Variants in MMP3 observed in about 807,000 individuals in gnomAD.
MMP3 encodes stromelysin-1.
MMP3 carries 46 observed loss-of-function variants against 47.3 expected under a neutral mutation model. The ratio of observed to expected loss-of-function variants is 0.97; its 90% CI spans 0.77 to 1.24. The LOEUF is 1.24. Ranked by LOEUF, MMP3 falls within the 50% of genes most tolerant of loss-of-function variation. The pLI is 0.00. For missense variants in MMP3, 558 were observed against 565.5 expected (o/e 0.99, Z 0.13); for synonymous variants, 216 against 206.5 (o/e 1.05, Z -0.39).
At chr11:102,839,688 C>A (rs1276043972) in intron 6 of MMP3, among the ~76,000 whole-genome samples, 1 of 152,124 alleles carries the variant, frequency 6.6e-6, no homozygotes, top group African/African-American at 2.4e-5. Flanking sequence ...GAACTGGGAA[C>A]TAAAATTTTT....
intron 4 of MMP3, among the ~76,000 whole-genome samples, chr11:102,841,146 C>T (rs548120391): frequency 6.6e-6 from 1 of 152,202 alleles, no homozygotes; most frequent in East Asian, 1.9e-4. Flanking sequence ...ACACAGTATG[C>T]CCAATCATGT....
At position 102,837,216 on chromosome 11, in the gene MMP3, A is replaced by G. The variant is rs1324912065; in HGVS notation, c.1333+82T>C. ...TGGCCCTAAGAAACACTTGTTATTA[A>G]AAAGTTTCAATGCTCCTCTTCCCTC... On this transcript the variant is annotated intron_variant, in intron 9 of 9. Transcript: ENST00000299855. This position sits in a 1 kb window ranked among gnomAD's most constrained non-coding sequence, Gnocchi z 4.4. The G allele has an allele frequency of 8.1e-6, 9 of 1,108,772 alleles. No individual in the cohort carries two copies. The highest frequency in any genetic ancestry group is 7.8e-5 in the African/African-American group (5 of 64,148). 68.7% of individuals were successfully genotyped at this position (1,108,772 alleles called of 1,614,324 possible). A position where few individuals can be genotyped will look rare whatever the true frequency, so the allele number is the denominator to read the frequency against.
Position 102,837,446 on chromosome 11 carries a change from G to A in MMP3, c.1230-45C>T. On this transcript the variant is annotated intron_variant, in intron 8 of 9. Coordinates refer to ENST00000299855, the MANE Select transcript of MMP3 (RefSeq NM_002422.5). The surrounding 1 kb of genome is among the most constrained non-coding windows in gnomAD (Gnocchi z 4.4). ...CAGCTCAGCATTGCATAGAGGCCAT[G>A]TTACCGAACATCTTAGATCATGTTA... The A allele has an allele frequency of 7.3e-7, 1 of 1,365,326 alleles. No homozygotes were observed. Among genetic ancestry groups the A allele is most frequent in the Non-Finnish European group, 1.0e-6 (1 of 962,252 alleles). 84.6% of individuals were successfully genotyped at this position (1,365,326 alleles called of 1,614,324 possible). A position where few individuals can be genotyped will look rare whatever the true frequency, so the allele number is the denominator to read the frequency against.
Position 102,842,490 on chromosome 11 carries a change from A to G in MMP3, c.440T>C (p.Leu147Pro), listed in dbSNP as rs1555005691. 1 of 1,571,052 alleles carries G rather than the reference A, an allele frequency of 6.4e-7. No homozygotes were observed. The highest frequency in any genetic ancestry group is 1.5e-5 in the African/African-American group (1 of 68,276). Residue 147 changes from leucine (L) to proline (P), a missense_variant, in exon 3 of 10, where the codon CTC becomes CCC. Coordinates refer to ENST00000299855, the MANE Select transcript of MMP3 (RefSeq NM_002422.5). ...ALKVWEEVTP[L>P]TFSRLYEGEA... ...TCCTTCATACAGCCTGGAGAATGTG[A>G]GTGGAGTCACCTCTTCCCAGACTTT...
chr11:102,842,078 G>A, intron 4 of MMP3, 76 bp downstream of exon 4: 1 of 1,356,902 alleles, frequency 7.4e-7, no homozygotes, highest in Non-Finnish European at 9.7e-7. Flanking sequence ...CATTTCTTGA[G>A]CATTCTTGGT....
chr11:102,836,890 C>A lies in MMP3; in HGVS notation c.1333+408G>T. On this transcript the variant is annotated intron_variant, in intron 9 of 9. Coordinates refer to ENST00000299855, the MANE Select transcript of MMP3 (RefSeq NM_002422.5). The surrounding 1 kb of genome is among the most constrained non-coding windows in gnomAD (Gnocchi z 4.6). ...AACTCAGGAAAGACAGACAAAAAAT[C>A]TCCCTGGGAATTAGTAGCAGCAATA... 1 of 209,558 alleles carries A rather than the reference C, an allele frequency of 4.8e-6. No homozygotes were observed. The highest frequency in any genetic ancestry group is 5.4e-5 in the Admixed American group (1 of 18,468). 13.0% of individuals were successfully genotyped at this position (209,558 alleles called of 1,614,324 possible). A position where few individuals can be genotyped will look rare whatever the true frequency, so the allele number is the denominator to read the frequency against.
At chr11:102,842,383 T>G (rs782458852) in intron 3 of MMP3, 48 bp downstream of exon 3, 6 of 1,419,084 alleles carry the variant, frequency 4.2e-6, no homozygotes, top group African/African-American at 1.5e-5. Context: ...TTTCATGTGT[T>G]TTTTGTTTTG....
At chr11:102,838,758 G>C (rs782293510) in intron 7 of MMP3, 48 bp from the exon 8 acceptor site, 1 of 1,555,058 alleles carries the variant, frequency 6.4e-7, no homozygotes, top group Admixed American at 1.9e-5. Flanking sequence ...TAACAGTTAA[G>C]CCCTTTCGCT....
intron 8 of MMP3, among the ~76,000 whole-genome samples, chr11:102,838,325 G>A (rs1021723894): frequency 6.6e-6 from 1 of 152,090 alleles, no homozygotes; most frequent in Non-Finnish European, 1.5e-5. Flanking sequence ...CAGGCAGGTG[G>A]GGTGACAGCA....
rs888625984 is a variant in MMP3 at position 102,835,895 on chromosome 11, G to A, written c.*231C>T. On this transcript the variant is annotated 3_prime_UTR_variant, in exon 10 of 10. Transcript: ENST00000299855. ...GCACACGAGTGCTTCCCCTTCTCTT[G>A]GGAAAGATCACTCTATGTGACAAGG... 7 of 456,868 alleles carry A rather than the reference G, an allele frequency of 1.5e-5. No individual in the cohort carries two copies. Among genetic ancestry groups the A allele is most frequent in the African/African-American group, 3.9e-5 (2 of 51,640 alleles). The allele number at this position is 456,868 out of a possible 1,614,324, so 28.3% of individuals were successfully genotyped here.
intron 1 of MMP3, 81 bp downstream of exon 1, chr11:102,843,361 A>G (rs1389395430): frequency 8.6e-6 from 8 of 926,844 alleles, no homozygotes; most frequent in South Asian, 4.2e-5. Flanking sequence ...CAAGCATTCT[A>G]TGTGGGTTTT....
In MMP3 at chr11:102,842,822, A is replaced by C; in HGVS notation, c.200T>G (p.Met67Arg). The change falls in exon 2 of 10, where the codon ATG becomes AGG. Residue 67 changes from methionine to arginine, a missense_variant. By Grantham distance (91) the Met-to-Arg change is moderately conservative. Transcript: ENST00000299855. ...CACCTCCAATCCAAGGAACTTCTGC[A>C]TTTCTCGGATTTTTTTAACAACAGG... ...SGPVVKKIRE[M>R]QKFLGLEVTG... 1 of 1,613,758 alleles carries C rather than the reference A, an allele frequency of 6.2e-7. No homozygotes were observed. Among genetic ancestry groups the C allele is most frequent in the Non-Finnish European group, 8.5e-7 (1 of 1,179,896 alleles).
At chr11:102,839,389 A>C in intron 6 of MMP3, 146 bp from the exon 7 acceptor site, 1 of 928,722 alleles carries the variant, frequency 1.1e-6, no homozygotes, top group African/African-American at 1.7e-5. Context: ...TATTGCCATT[A>C]GAAAATTTCT....
intron 7 of MMP3, 102 bp from the exon 8 acceptor site, chr11:102,838,812 T>C: frequency 7.4e-7 from 1 of 1,344,080 alleles, no homozygotes; most frequent in South Asian, 1.4e-5. Context: ...GGTAAAGTAG[T>C]AGCCCAAATT....
chr11:102,836,544 G>A lies in MMP3; in HGVS notation c.1334-318C>T. On this transcript the variant is annotated intron_variant, in intron 9 of 9. Transcript: ENST00000299855. The surrounding 1 kb of genome is among the most constrained non-coding windows in gnomAD (Gnocchi z 4.6). The stretch of plus-strand genomic sequence containing the variant: ...CCAGCTCTGTCTGAAAACACAGCCA[G>A]ATTCCAGGTTACAGGGTTATTCTGC... The A allele has an allele frequency of 7.9e-6, 4 of 504,510 alleles. No homozygotes were observed. The highest frequency in any genetic ancestry group is 4.6e-5 in the South Asian group (3 of 64,854). 31.3% of individuals were successfully genotyped at this position (504,510 alleles called of 1,614,324 possible).
chr11:102,840,418 G>A lies in MMP3; in HGVS notation c.790+11C>T. On this transcript the variant is annotated intron_variant, in intron 5 of 9. Coordinates refer to ENST00000299855, the MANE Select transcript of MMP3 (RefSeq NM_002422.5). The stretch of plus-strand genomic sequence containing the variant: ...AAAACTACAATGGCTGATTTTCCCA[G>A]TGTCACTCACCATAGAGGGACTGAA... 6.8e-6 allele frequency: 11 copies of A among 1,611,144 alleles called. No individual in the cohort carries two copies. Among genetic ancestry groups the A allele is most frequent in the Non-Finnish European group, 9.3e-6 (11 of 1,179,134 alleles).
In MMP3 at chr11:102,842,680, A is replaced by G; in HGVS notation, c.342T>C (p.Leu114=). 6.2e-7 allele frequency: 1 copy of G among 1,613,978 alleles called. No homozygotes were observed. Among genetic ancestry groups the G allele is most frequent in the Non-Finnish European group, 8.5e-7 (1 of 1,179,952 alleles). The change falls in exon 2 of 10, where the codon CTT becomes CTC. Residue 114 remains leucine (L), a synonymous_variant. Transcript: ENST00000299855. ...CCCCTCTGAACCATTACCTGTATGTAAGGTGGGTTTTCCTCCACTTCGGGA... is the reference window on the plus strand; with the variant it reads ...CCCCTCTGAACCATTACCTGTATGTGAGGTGGGTTTTCCTCCACTTCGGGA... The part of the protein sequence containing the change: ...PGIPKWRKTH[L]TYRIVNYTPD...
At chr11:102,841,100 T>C (rs988177459) in intron 4 of MMP3, among the ~76,000 whole-genome samples, 2 of 152,224 alleles carry the variant, frequency 1.3e-5, no homozygotes, top group Non-Finnish European at 2.9e-5. Flanking sequence ...ACATGAATAA[T>C]GATAGATGTC....
At chr11:102,840,068 T>C in intron 6 of MMP3, 40 bp downstream of exon 6, 1 of 1,574,186 alleles carries the variant, frequency 6.4e-7, no homozygotes, top group Non-Finnish European at 8.6e-7. Context: ...CTAAACATTG[T>C]AGATTAAAAT....
Sources: gnomAD v4.1 joint callset for allele counts (sites outside exome capture counted in the v4.1 genomes callset) on GRCh38, gnomAD v4.1.1 for gene constraint, Gnocchi (gnomAD v3.1) non-coding constraint, MANE v1.5 for transcripts, NCBI Gene and HGNC (gene_info 2026-07-23, HGNC 2026-07-21) for gene names.